FBXW11: variants seen among roughly 807,000 people sequenced by gnomAD.
FBXW11 encodes F-box/WD repeat-containing protein 11.
In FBXW11, 19 loss-of-function variants were observed where a neutral mutation model predicts 77.6. That is an observed-to-expected ratio of 0.24 (90% CI 0.17 to 0.36). The LOEUF (loss-of-function observed/expected upper bound fraction) is 0.36, where lower values mean the gene tolerates loss of function less well. Among genes scored for constraint, FBXW11 ranks in the 10% least tolerant of loss-of-function variants. The pLI, the probability that FBXW11 is intolerant of heterozygous loss-of-function variation, is 1.00. For missense variants in FBXW11, 334 were observed against 704.2 expected (o/e 0.47, Z 5.95); for synonymous variants, 235 against 249.4 (o/e 0.94, Z 0.54).
intron 2 of FBXW11, among the ~76,000 whole-genome samples, chr5:171,941,928 T>C (rs1762772057): frequency 6.6e-6 from 1 of 150,906 alleles, no homozygotes; most frequent in South Asian, 2.1e-4. Context: ...GGTAAAAAAG[T>C]CACAAAGGAT....
chr5:171,943,716 T>C (rs1234557656), intron 2 of FBXW11, among the ~76,000 whole-genome samples: 1 of 152,200 alleles, frequency 6.6e-6, no homozygotes, highest in Non-Finnish European at 1.5e-5. Flanking sequence ...CCCAAAGTGC[T>C]GCGATAACAG....
At chr5:171,873,805 A>G (rs764809770) in intron 9 of FBXW11, among the ~76,000 whole-genome samples, 4 of 152,208 alleles carry the variant, frequency 2.6e-5, no homozygotes, top group Non-Finnish European at 4.4e-5. Flanking sequence ...ACAGCTAAAC[A>G]TATTATTAGA....
chr5:171,871,818 A>C (rs1401879139), intron 10 of FBXW11, among the ~76,000 whole-genome samples: 4 of 152,228 alleles, frequency 2.6e-5, no homozygotes, highest in African/African-American at 9.6e-5. Flanking sequence ...TAGCATCTCT[A>C]ATCTGTGATC....
intron 1 of FBXW11, among the ~76,000 whole-genome samples, chr5:172,001,821 A>T (rs998847949): frequency 3.9e-5 from 6 of 152,238 alleles, no homozygotes; most frequent in African/African-American, 1.4e-4. Context: ...ACCTAAGCCA[A>T]TTTGGCCAGA....
At chr5:171,916,583 G>A in intron 2 of FBXW11, 1 of 440,396 alleles carries the variant, frequency 2.3e-6, no homozygotes, top group Non-Finnish European at 3.0e-6. Context: ...GTCTCTCCAT[G>A]TAATCTTTTC....
chr5:171,913,874 C>A (rs888564846), intron 3 of FBXW11, among the ~76,000 whole-genome samples: 1 of 149,736 alleles, frequency 6.7e-6, no homozygotes. Context: ...CACACACACA[C>A]AACCTGGGAA....
At chr5:171,910,136 G>A (rs1230928264) in intron 4 of FBXW11, among the ~76,000 whole-genome samples, 2 of 146,682 alleles carry the variant, frequency 1.4e-5, no homozygotes, top group African/African-American at 5.1e-5. Context: ...TATGATCTCG[G>A]CTCACTGCAA....
At position 171,904,382 on chromosome 5, in the gene FBXW11, C is replaced by A. The variant is rs981316053; in HGVS notation, c.437-4282G>T. Reference sequence around the variant, plus strand: ...GCTGCAACATCCCCATCATCTGTGACGGGAAAGCAGCACCCAAACCTTCAA... The same window carrying A: ...GCTGCAACATCCCCATCATCTGTGAAGGGAAAGCAGCACCCAAACCTTCAA... On this transcript the variant is annotated intron_variant, in intron 4 of 13. Transcript: ENST00000517395. The surrounding 1 kb of genome is among the most constrained non-coding windows in gnomAD (Gnocchi z 4.0). Among the ~76,000 whole-genome samples the A allele has an allele frequency of 2.6e-5, 4 of 151,914 alleles. No individual in the cohort carries two copies. Among genetic ancestry groups the A allele is most frequent in the Non-Finnish European group, 5.9e-5 (4 of 67,976 alleles).
chr5:171,963,403 C>T (rs1764013230), intron 1 of FBXW11, among the ~76,000 whole-genome samples: 1 of 152,098 alleles, frequency 6.6e-6, no homozygotes, highest in African/African-American at 2.4e-5. Context: ...ATTAATTTAG[C>T]ATTAAAATAC....
intron 2 of FBXW11, among the ~76,000 whole-genome samples, chr5:171,936,517 A>G: frequency 6.6e-6 from 1 of 150,796 alleles, no homozygotes. Context: ...AAAAAAAAAC[A>G]GGAAATAGAG....
At chr5:171,983,982 G>GAA (rs796669672) in intron 1 of FBXW11, among the ~76,000 whole-genome samples, 2 of 143,538 alleles carry the variant, frequency 1.4e-5, no homozygotes, top group African/African-American at 2.6e-5. Context: ...ATAATGCATA[G>GAA]AAAAAAAAAA....
chr5:171,950,842 A>G (rs1897569), intron 2 of FBXW11, among the ~76,000 whole-genome samples: 131,178 of 152,150 alleles, frequency 0.86, 57,806 homozygotes, highest in East Asian at 1. Flanking sequence ...AGCCCAGATC[A>G]TGCCACTACA....
chr5:171,902,840 T>C (rs1308826719), intron 4 of FBXW11, among the ~76,000 whole-genome samples: 1 of 152,220 alleles, frequency 6.6e-6, no homozygotes, highest in Non-Finnish European at 1.5e-5. Context: ...CTAAATATCT[T>C]CACATCTTTC....
chr5:171,949,634 A>ATT (rs1475602443), intron 2 of FBXW11, among the ~76,000 whole-genome samples: 1 of 152,168 alleles, frequency 6.6e-6, no homozygotes, highest in African/African-American at 2.4e-5. Flanking sequence ...TATAAATCAG[A>ATT]TTTTTTAAAT....
In FBXW11 at chr5:171,958,430, A is replaced by C. The variant is rs149856397; in HGVS notation, c.46-732T>G. Among the ~76,000 whole-genome samples, 554 of 152,330 alleles carry C rather than the reference A, an allele frequency of 3.6e-3. 4 individuals are homozygous for C. The highest frequency in any genetic ancestry group is 0.012 in the African/African-American group (514 of 41,576). ...AGATGGGTGACAGACTGATAGATAAAGGCAATAAAAGAGGTGATTTAAAAT... is the reference window on the plus strand; with the variant it reads ...AGATGGGTGACAGACTGATAGATAACGGCAATAAAAGAGGTGATTTAAAAT... On this transcript the variant is annotated intron_variant, in intron 1 of 13. Coordinates refer to ENST00000517395, the MANE Select transcript of FBXW11 (RefSeq NM_001378974.1).
intron 7 of FBXW11, among the ~76,000 whole-genome samples, chr5:171,878,591 T>TGAGA (rs1561640265): frequency 1.0e-5 from 1 of 95,480 alleles, no homozygotes; most frequent in Non-Finnish European, 2.2e-5. Context: ...TGTGTGTGTG[T>TGAGA]AAGAGAGAGA....
At position 171,873,004 on chromosome 5, in the gene FBXW11, T is replaced by A; in HGVS notation, c.1222-14A>T. ...CGTGCTCCAGACCTGTATAACAAAT[T>A]AACAGTATTTTAAAGAATGAACACA... is the stretch of plus-strand genomic sequence containing the variant. On this transcript the variant is annotated splice_polypyrimidine_tract_variant and intron_variant, in intron 9 of 13. Coordinates refer to ENST00000517395, the MANE Select transcript of FBXW11 (RefSeq NM_001378974.1). 25 of 1,598,258 alleles carry A rather than the reference T, an allele frequency of 1.6e-5. No individual in the cohort carries two copies. The highest frequency in any genetic ancestry group is 2.1e-5 in the Non-Finnish European group (25 of 1,166,784).
At chr5:171,937,738 G>A (rs887465680) in intron 2 of FBXW11, among the ~76,000 whole-genome samples, 1 of 151,538 alleles carries the variant, frequency 6.6e-6, no homozygotes, top group Non-Finnish European at 1.5e-5. Flanking sequence ...TGAGGTAAGA[G>A]GATCACTTGA....
intron 8 of FBXW11, among the ~76,000 whole-genome samples, chr5:171,877,219 CA>C (rs1352866392): frequency 1.3e-5 from 2 of 152,014 alleles, no homozygotes; most frequent in African/African-American, 4.8e-5. Context: ...GTGCTGATGG[CA>C]AAAGATGATT....
Sources: gnomAD v4.1 joint callset for allele counts (sites outside exome capture counted in the v4.1 genomes callset) on GRCh38, gnomAD v4.1.1 for gene constraint, Gnocchi (gnomAD v3.1) non-coding constraint, MANE v1.5 for transcripts, NCBI Gene and HGNC (gene_info 2026-07-23, HGNC 2026-07-21) for gene names.